ATP1B3: variants seen among roughly 807,000 people sequenced by gnomAD.
ATP1B3 encodes the protein ATPase Na+/K+ transporting subunit beta 3.
A neutral mutation model predicts 30.2 loss-of-function variants in ATP1B3; 10 were observed. The observed-to-expected ratio is 0.33, with a 90% CI of 0.20 to 0.56. ATP1B3 has a LOEUF of 0.56. Among genes scored for constraint, ATP1B3 ranks in the 20% least tolerant of loss-of-function variants. The pLI is 0.90. For missense variants in ATP1B3, 238 were observed against 336.7 expected (o/e 0.71, Z 2.29); for synonymous variants, 113 against 117.0 (o/e 0.97, Z 0.22).
intron 3 of ATP1B3, 22 bp from the exon 4 acceptor site, chr3:141,913,630 C>CACA (rs759123278): frequency 4.8e-5 from 77 of 1,591,898 alleles, no homozygotes; most frequent in Non-Finnish European, 6.4e-5. Context: ...TGATCTAGCA[C>CACA]ACATATATGT....
At chr3:141,887,585 T>TA (rs1933860138) in intron 1 of ATP1B3, among the ~76,000 whole-genome samples, 1 of 152,172 alleles carries the variant, frequency 6.6e-6, no homozygotes, top group African/African-American at 2.4e-5. Context: ...AATGAAAACA[T>TA]ACGTTCACAA....
intron 3 of ATP1B3, among the ~76,000 whole-genome samples, chr3:141,913,245 C>A (rs1368406133): frequency 6.6e-6 from 1 of 151,536 alleles, no homozygotes; most frequent in Non-Finnish European, 1.5e-5. Flanking sequence ...CATCTTCATA[C>A]CTCTGCAATT....
intron 1 of ATP1B3, among the ~76,000 whole-genome samples, chr3:141,895,646 A>G (rs2107769234): frequency 6.6e-6 from 1 of 152,346 alleles, no homozygotes; most frequent in South Asian, 2.1e-4. Context: ...TTCAGTGATT[A>G]TAAATAAAGT....
chr3:141,907,530 A>G (rs1934285027), intron 3 of ATP1B3, among the ~76,000 whole-genome samples: 1 of 152,014 alleles, frequency 6.6e-6, no homozygotes, highest in Non-Finnish European at 1.5e-5. Context: ...AATTCCAGCT[A>G]CTCGGGAGGC....
intron 5 of ATP1B3, among the ~76,000 whole-genome samples, chr3:141,917,187 A>G (rs1934480066): frequency 6.6e-6 from 1 of 152,016 alleles, no homozygotes; most frequent in Admixed American, 6.6e-5. Flanking sequence ...TTTCCAGGTG[A>G]TGCTGATGCT....
At chr3:141,919,854 G>A (rs781091482) in intron 5 of ATP1B3, among the ~76,000 whole-genome samples, 2 of 151,978 alleles carry the variant, frequency 1.3e-5, no homozygotes, top group African/African-American at 4.8e-5. Context: ...CAAGAGAATC[G>A]CTTGTACCCA....
intron 6 of ATP1B3, among the ~76,000 whole-genome samples, chr3:141,923,334 G>A (rs12497443): frequency 0.088 from 13,386 of 151,910 alleles, 728 homozygotes; most frequent in East Asian, 0.16. Flanking sequence ...TGGGACTAGC[G>A]GCTTTATAAG....
intron 1 of ATP1B3, among the ~76,000 whole-genome samples, chr3:141,894,449 T>C (rs1226580620): frequency 1.3e-5 from 2 of 152,118 alleles, no homozygotes; most frequent in African/African-American, 4.8e-5. Flanking sequence ...TGAGCCTTCA[T>C]ACCCAGCGAC....
chr3:141,887,847 C>T (rs894474976), intron 1 of ATP1B3, among the ~76,000 whole-genome samples: 1 of 152,018 alleles, frequency 6.6e-6, no homozygotes, highest in Non-Finnish European at 1.5e-5. Context: ...CTAAAATAAG[C>T]AATTCTTACC....
At chr3:141,916,468 C>G in intron 5 of ATP1B3, 1 of 904,282 alleles carries the variant, frequency 1.1e-6, no homozygotes, top group South Asian at 1.4e-5. Context: ...CTCCCCTATC[C>G]CTACTTACTT....
chr3:141,920,539 A>AG (rs1934548552), intron 5 of ATP1B3, among the ~76,000 whole-genome samples: 1 of 152,070 alleles, frequency 6.6e-6, no homozygotes, highest in East Asian at 1.9e-4. Context: ...AAAAAAGAAA[A>AG]AAGAAAAAAG....
At chr3:141,909,708 A>G (rs1474565699) in intron 3 of ATP1B3, among the ~76,000 whole-genome samples, 3 of 152,230 alleles carry the variant, frequency 2.0e-5, no homozygotes, top group African/African-American at 7.2e-5. Flanking sequence ...AAGGAGATCC[A>G]GACTGTAGGT....
intron 5 of ATP1B3, 149 bp downstream of exon 5, chr3:141,916,169 CTT>C: frequency 1.6e-6 from 1 of 642,264 alleles, no homozygotes; most frequent in East Asian, 2.8e-5. Context: ...CAACCGTAGT[CTT>C]TCTCTTCCTT....
chr3:141,910,300 T>TA (rs1412031754), intron 3 of ATP1B3, among the ~76,000 whole-genome samples: 8 of 152,208 alleles, frequency 5.3e-5, no homozygotes, highest in African/African-American at 1.9e-4. Context: ...GATAGGGAAT[T>TA]AACTTCATGC....
intron 1 of ATP1B3, among the ~76,000 whole-genome samples, chr3:141,882,869 A>T (rs1205428942): frequency 6.6e-6 from 1 of 152,152 alleles, no homozygotes. Context: ...TACAGGCGTG[A>T]GCCACCGCGC....
At chr3:141,883,139 GC>G (rs1933762889) in intron 1 of ATP1B3, among the ~76,000 whole-genome samples, 1 of 152,066 alleles carries the variant, frequency 6.6e-6, no homozygotes, top group South Asian at 2.1e-4. Flanking sequence ...TGTTGGTCTG[GC>G]TGATCAGATG....
intron 3 of ATP1B3, among the ~76,000 whole-genome samples, chr3:141,909,185 T>G (rs541213136): frequency 5.3e-5 from 8 of 152,366 alleles, no homozygotes; most frequent in African/African-American, 1.9e-4. Context: ...GTACTCATTA[T>G]TTAAAAAAGA....
intron 2 of ATP1B3, 26 bp downstream of exon 2, chr3:141,903,774 G>C: frequency 6.3e-7 from 1 of 1,592,962 alleles, no homozygotes; most frequent in South Asian, 1.1e-5. Context: ...TTATGACTTT[G>C]TTTTTTGTTT....
chr3:141,913,818 T>G lies in ATP1B3; in HGVS notation c.513T>G (p.Ile171Met). The change falls in exon 4 of 7, where the codon ATT becomes ATG. Residue 171 changes from isoleucine to methionine, a missense_variant. Coordinates refer to ENST00000286371, the MANE Select transcript of ATP1B3 (RefSeq NM_001679.4). ...GCTATTCTCAAGGAAACCCTTGTAT[T>G]CTTGTGAAAATGAACAGAGTACGTA... ...DFGYSQGNPC[I>M]LVKMNRIIGL... The G allele has an allele frequency of 5.0e-6, 8 of 1,612,630 alleles. No individual in the cohort carries two copies. Among genetic ancestry groups the G allele is most frequent in the Non-Finnish European group, 6.8e-6 (8 of 1,179,504 alleles).
Sources: allele counts gnomAD v4.1 joint callset (sites outside exome capture counted in the v4.1 genomes callset), GRCh38; gene constraint gnomAD v4.1.1; transcripts MANE v1.5; gene names NCBI Gene and HGNC (gene_info 2026-07-23, HGNC 2026-07-21).